GPM6A: variants seen among roughly 807,000 people sequenced by gnomAD.
GPM6A encodes neuronal membrane glycoprotein M6-a.
A neutral mutation model predicts 32.1 loss-of-function variants in GPM6A; 7 were observed. That is an observed-to-expected ratio of 0.22 (90% CI 0.12 to 0.41). GPM6A has a LOEUF of 0.41. Ranked by LOEUF, GPM6A falls within the 10% of genes least tolerant of loss-of-function variation. The probability of loss-of-function intolerance (pLI) is 1.00; values close to 1 mark genes in which losing one functional copy is unlikely to be tolerated. For missense variants in GPM6A, 235 were observed against 347.2 expected (o/e 0.68, Z 2.57); for synonymous variants, 130 against 123.4 (o/e 1.05, Z -0.35).
At chr4:175,696,903 G>A (rs904671822) in intron 2 of GPM6A, among the ~76,000 whole-genome samples, 2 of 152,046 alleles carry the variant, frequency 1.3e-5, no homozygotes, top group Non-Finnish European at 2.9e-5. Context: ...GAAGTTAGTT[G>A]AGAACAAAAT....
At chr4:175,835,649 A>ATATATATG (rs539818650) in intron 1 of GPM6A, among the ~76,000 whole-genome samples, 4 of 143,340 alleles carry the variant, frequency 2.8e-5, no homozygotes, top group African/African-American at 1.0e-4. Context: ...ATATATATAT[A>ATATATATG]TGCTTGTATG....
intron 1 of GPM6A, among the ~76,000 whole-genome samples, chr4:175,726,918 C>CTGG (rs1731185842): frequency 1.3e-5 from 2 of 152,114 alleles, no homozygotes; most frequent in Admixed American, 1.3e-4. Flanking sequence ...ATCACTTGAA[C>CTGG]CCAGGAGATG....
rs1737862616 is a variant in GPM6A, at chr4:175,898,566, A to G, written c.-22-86317T>C. On this transcript the variant is annotated intron_variant, in intron 1 of 7. Transcript: ENST00000280187. ...CCTCGGGGAATACGTTCTCCATTGT[A>G]ATGCTTGCACTGTGATGTGACTGTC... is the stretch of plus-strand genomic sequence containing the variant. 1.3e-5 allele frequency among the ~76,000 whole-genome samples: 2 copies of G among 152,096 alleles called. 1 individual carries two copies. The highest frequency in any genetic ancestry group is 4.1e-4 in the South Asian group (2 of 4,832).
intron 1 of GPM6A, among the ~76,000 whole-genome samples, chr4:175,801,906 G>A (rs768706462): frequency 2.0e-5 from 3 of 152,042 alleles, no homozygotes; most frequent in Admixed American, 1.3e-4. Flanking sequence ...TAAAATAGTG[G>A]TCGCTCTTGA....
At chr4:175,820,754 C>T (rs1579539577) in intron 1 of GPM6A, among the ~76,000 whole-genome samples, 1 of 152,132 alleles carries the variant, frequency 6.6e-6, no homozygotes, top group African/African-American at 2.4e-5. Context: ...CTACCTCAGC[C>T]TCCCAAAGTG....
chr4:175,745,979 G>T (rs887010618), intron 1 of GPM6A, among the ~76,000 whole-genome samples: 2 of 152,096 alleles, frequency 1.3e-5, no homozygotes, highest in African/African-American at 4.8e-5. Context: ...AAGAAATAAG[G>T]TGTCACCTTT....
intron 1 of GPM6A, among the ~76,000 whole-genome samples, chr4:175,806,492 T>C (rs1270078411): frequency 2.0e-5 from 3 of 152,224 alleles, no homozygotes; most frequent in African/African-American, 7.2e-5. Context: ...AGAAATGTGT[T>C]ATTGATATTT....
chr4:175,774,693 C>T (rs1167440983), intron 1 of GPM6A, among the ~76,000 whole-genome samples: 1 of 151,984 alleles, frequency 6.6e-6, no homozygotes, highest in Non-Finnish European at 1.5e-5. Context: ...AATTGAACAA[C>T]AGAGCAAAGA....
chr4:175,986,948 G>A (rs1740993854), intron 1 of GPM6A, among the ~76,000 whole-genome samples: 1 of 152,044 alleles, frequency 6.6e-6, no homozygotes, highest in Non-Finnish European at 1.5e-5. Flanking sequence ...TGGCTAGAAG[G>A]CCTTTTCCTT....
chr4:175,743,039 G>C (rs1244886159), intron 1 of GPM6A, among the ~76,000 whole-genome samples: 1 of 151,710 alleles, frequency 6.6e-6, no homozygotes, highest in Non-Finnish European at 1.5e-5. Flanking sequence ...TATTTTGCAA[G>C]AACAAGAGCA....
At chr4:175,778,627 C>CAAAAAAAAAAAAAAAAAA (rs34286041) in intron 1 of GPM6A, among the ~76,000 whole-genome samples, 2 of 75,212 alleles carry the variant, frequency 2.7e-5, no homozygotes, top group Admixed American at 2.0e-4. Flanking sequence ...CTGTATCCAA[C>CAAAAAAAAAAAAAAAAAA]AAAAAAAAAA....
chr4:176,000,734 A>G (rs1385691900), intron 1 of GPM6A, among the ~76,000 whole-genome samples: 2 of 152,190 alleles, frequency 1.3e-5, no homozygotes, highest in Non-Finnish European at 2.9e-5. Flanking sequence ...TATAGGCTCA[A>G]GTGGTCAAGT....
intron 1 of GPM6A, among the ~76,000 whole-genome samples, chr4:175,886,778 CAG>C (rs1466403991): frequency 6.7e-6 from 1 of 149,754 alleles, no homozygotes; most frequent in Non-Finnish European, 1.5e-5. Flanking sequence ...AATAAGACAA[CAG>C]AAATAAAGCC....
chr4:175,851,449 C>T (rs2111402763), intron 1 of GPM6A, among the ~76,000 whole-genome samples: 1 of 149,486 alleles, frequency 6.7e-6, no homozygotes, highest in African/African-American at 2.5e-5. Flanking sequence ...TGTGCCATTG[C>T]ACTCCAGCCC....
At chr4:175,687,881 A>G (rs1744076678) in intron 2 of GPM6A, among the ~76,000 whole-genome samples, 2 of 152,248 alleles carry the variant, frequency 1.3e-5, no homozygotes, top group South Asian at 2.1e-4. Context: ...GGGCATCCTT[A>G]TAAGTGCGAG....
At chr4:175,812,412 T>C (rs1036669248), upstream of GPM6A, 10 of 1,313,230 alleles carry the variant, frequency 7.6e-6, no homozygotes, top group African/African-American at 1.6e-4. Context: ...GTTCCTCTTG[T>C]TTGCTTGGAG....
At chr4:175,944,388 C>G (rs770377727) in intron 1 of GPM6A, among the ~76,000 whole-genome samples, 1 of 152,088 alleles carries the variant, frequency 6.6e-6, no homozygotes, top group East Asian at 1.9e-4. Flanking sequence ...AAGGAAACAG[C>G]CCGAGTAAGT....
chr4:175,941,744 A>G (rs1377254525), intron 1 of GPM6A, among the ~76,000 whole-genome samples: 3 of 152,210 alleles, frequency 2.0e-5, no homozygotes, highest in Non-Finnish European at 2.9e-5. Context: ...ATAGTATTCA[A>G]TGGTGTACAT....
At chr4:175,711,279 C>G (rs193240998) in intron 1 of GPM6A, among the ~76,000 whole-genome samples, 166 of 150,914 alleles carry the variant, frequency 1.1e-3, no homozygotes, top group South Asian at 4.0e-3. Context: ...GAGACAACCA[C>G]TAGGTATTTG....
Sources: allele counts gnomAD v4.1 joint callset (sites outside exome capture counted in the v4.1 genomes callset), GRCh38; gene constraint gnomAD v4.1.1; transcripts MANE v1.5; gene names NCBI Gene and HGNC (gene_info 2026-07-23, HGNC 2026-07-21).